The following CABCOCO1 variants were observed in gnomAD, a reference collection of about 807,000 sequenced individuals.
The protein encoded by CABCOCO1 is ciliary-associated calcium-binding coiled-coil protein 1.
In CABCOCO1, 28 loss-of-function variants were observed where a neutral mutation model predicts 35.7. That is an observed-to-expected ratio of 0.78 (90% CI 0.58 to 1.07). The LOEUF (loss-of-function observed/expected upper bound fraction) is 1.07. CABCOCO1 is among the 50% of genes least tolerant of loss of function. The pLI is 0.00. For synonymous variants in CABCOCO1, 95 were observed against 100.1 expected, an observed-to-expected ratio of 0.95 and a Z score of 0.30; for missense variants, 326 against 309.2, an observed-to-expected ratio of 1.05 and a Z score of -0.41.
intron 3 of CABCOCO1, among the ~76,000 whole-genome samples, chr10:61,682,330 G>A (rs1214762559): frequency 2.0e-5 from 3 of 152,116 alleles, no homozygotes; most frequent in Admixed American, 2.0e-4. Flanking sequence ...AAGGAATCTA[G>A]TTTTTCCTCC....
chr10:61,693,951 GCAGA>G (rs1351693195), intron 5 of CABCOCO1, among the ~76,000 whole-genome samples: 3 of 151,978 alleles, frequency 2.0e-5, no homozygotes, highest in East Asian at 1.9e-4. Flanking sequence ...GGATCCTACT[GCAGA>G]CAGACAGATA....
chr10:61,688,976 T>G (rs949253233), intron 4 of CABCOCO1, among the ~76,000 whole-genome samples: 2 of 152,214 alleles, frequency 1.3e-5, no homozygotes, highest in East Asian at 3.9e-4. Flanking sequence ...ATACAAATCA[T>G]GCATTTCGTT....
chr10:61,695,475 A>G (rs1381031634), intron 5 of CABCOCO1, among the ~76,000 whole-genome samples: 3 of 152,082 alleles, frequency 2.0e-5, no homozygotes, highest in Non-Finnish European at 4.4e-5. Context: ...CACCAGTAGG[A>G]CATAGATTTA....
chr10:61,673,213 A>C (rs1322101541), intron 2 of CABCOCO1, among the ~76,000 whole-genome samples: 2 of 152,240 alleles, frequency 1.3e-5, no homozygotes, highest in Admixed American at 6.5e-5. Flanking sequence ...GATTGTGTAC[A>C]TGTTACTTAA....
intron 5 of CABCOCO1, among the ~76,000 whole-genome samples, chr10:61,709,389 T>C (rs1281074893): frequency 6.6e-6 from 1 of 152,030 alleles, no homozygotes; most frequent in Non-Finnish European, 1.5e-5. Context: ...CAAATTAAAA[T>C]AAGGCCAGAC....
intron 5 of CABCOCO1, among the ~76,000 whole-genome samples, chr10:61,696,217 AT>A (rs1215993002): frequency 3.3e-5 from 5 of 152,108 alleles, no homozygotes; most frequent in Admixed American, 2.6e-4. Flanking sequence ...ACTTATAAAT[AT>A]TTAATAAGTC....
In CABCOCO1 at chr10:61,700,931, G is replaced by GTATACATATACATACATGTATACA. The variant is rs1554823101; in HGVS notation, c.552+10319_552+10342dup. On this transcript the variant is annotated intron_variant, in intron 5 of 7. Transcript: ENST00000648843. The stretch of plus-strand genomic sequence containing the variant: ...TACACCCACATCTGTGTATGTATAT[G>GTATACATATACATACATGTATACA]TATACATATACATACATGTATACAT... Among the ~76,000 whole-genome samples, 12 of 63,496 alleles carry GTATACATATACATACATGTATACA rather than the reference G, an allele frequency of 1.9e-4. No homozygotes were observed. In the South Asian group the frequency reaches 7.6e-3, roughly 40 times the overall value. The allele number at this position is 63,496 out of a possible 152,430, so 41.7% of individuals were successfully genotyped here. A position where few individuals can be genotyped will look rare whatever the true frequency, so the allele number is the denominator to read the frequency against.
chr10:61,695,298 A>AG (rs1323945211), intron 5 of CABCOCO1, among the ~76,000 whole-genome samples: 2 of 151,780 alleles, frequency 1.3e-5, no homozygotes, highest in African/African-American at 4.8e-5. Context: ...GATAAATCAA[A>AG]AAAAAAAAAT....
intron 3 of CABCOCO1, 129 bp downstream of exon 3, chr10:61,681,441 C>CA (rs1839789467): frequency 1.6e-6 from 1 of 628,682 alleles, no homozygotes; most frequent in Admixed American, 3.8e-5. Context: ...CTGAGTATAA[C>CA]AAATACATAG....
chr10:61,715,173 T>A (rs1401808020), intron 5 of CABCOCO1, among the ~76,000 whole-genome samples: 1 of 152,178 alleles, frequency 6.6e-6, no homozygotes, highest in Admixed American at 6.6e-5. Flanking sequence ...CTCTAAGGAC[T>A]TGCTTTATGA....
chr10:61,760,259 T>C, intron 6 of CABCOCO1, 78 bp downstream of exon 6: 1 of 1,475,004 alleles, frequency 6.8e-7, no homozygotes, highest in Non-Finnish European at 9.1e-7. Flanking sequence ...GAACTAAATG[T>C]TTTCTTCATT....
rs138472794 is a variant in CABCOCO1 at position 61,668,012 on chromosome 10, C to G, written c.61-4620C>G. ...TTGCAATATGATTTTGGCAAATAGTCTTTTTCGTGTTTAGCATTTTTTTCT... is the reference window on the plus strand; with the variant it reads ...TTGCAATATGATTTTGGCAAATAGTGTTTTTCGTGTTTAGCATTTTTTTCT... On this transcript the variant is annotated intron_variant, in intron 1 of 7. Transcript: ENST00000648843. 4.6e-5 allele frequency among the ~76,000 whole-genome samples: 7 copies of G among 151,812 alleles called. No individual in the cohort carries two copies. In the East Asian group the frequency reaches 1.4e-3, roughly 29 times the overall value.
intron 5 of CABCOCO1, among the ~76,000 whole-genome samples, chr10:61,730,169 TA>T (rs34679268): frequency 6.0e-4 from 86 of 144,158 alleles, no homozygotes; most frequent in East Asian, 4.6e-3. Flanking sequence ...CATTGTCCAA[TA>T]AAAAAAAAAA....
intron 5 of CABCOCO1, among the ~76,000 whole-genome samples, chr10:61,727,803 G>A (rs1841194459): frequency 6.6e-6 from 1 of 152,042 alleles, no homozygotes; most frequent in Non-Finnish European, 1.5e-5. Flanking sequence ...AATGTTCCTT[G>A]AGCTGGAACA....
chr10:61,724,014 T>C (rs1321489903), intron 5 of CABCOCO1, among the ~76,000 whole-genome samples: 2 of 152,188 alleles, frequency 1.3e-5, no homozygotes, highest in Non-Finnish European at 2.9e-5. Flanking sequence ...GTCAGTAGCA[T>C]TTTTATGTTT....
intron 7 of CABCOCO1, 22 bp downstream of exon 7, chr10:61,761,025 C>T: frequency 6.2e-7 from 1 of 1,608,750 alleles, no homozygotes; most frequent in Non-Finnish European, 8.5e-7. Flanking sequence ...TGATAGTATG[C>T]TCACTTACTT....
At chr10:61,761,167 C>T (rs1842002015) in intron 7 of CABCOCO1, among the ~76,000 whole-genome samples, 164 bp downstream of exon 7, 1 of 151,730 alleles carries the variant, frequency 6.6e-6, no homozygotes. Flanking sequence ...ATCAGAGATT[C>T]AGTAAGATCA....
chr10:61,707,674 G>T (rs1027356366), intron 5 of CABCOCO1, among the ~76,000 whole-genome samples: 1 of 152,102 alleles, frequency 6.6e-6, no homozygotes, highest in African/African-American at 2.4e-5. Flanking sequence ...CTAATGACAA[G>T]CTTATGTGTT....
At chr10:61,745,321 A>G (rs1437329778) in intron 5 of CABCOCO1, among the ~76,000 whole-genome samples, 3 of 152,152 alleles carry the variant, frequency 2.0e-5, no homozygotes, top group Non-Finnish European at 4.4e-5. Flanking sequence ...AGGTCACTTA[A>G]TACCACTTAT....
Sources: allele counts gnomAD v4.1 joint callset (sites outside exome capture counted in the v4.1 genomes callset), GRCh38; gene constraint gnomAD v4.1.1; transcripts MANE v1.5; gene names NCBI Gene and HGNC (gene_info 2026-07-23, HGNC 2026-07-21).